The following RNF150 variants were observed in gnomAD, a reference collection of about 807,000 sequenced individuals.
RNF150 encodes ring finger protein 150.
A neutral mutation model predicts 39.3 loss-of-function variants in RNF150; 24 were observed. The observed-to-expected ratio is 0.61, with a 90% CI of 0.44 to 0.86. The LOEUF (loss-of-function observed/expected upper bound fraction) is 0.86, where lower values mean the gene tolerates loss of function less well. RNF150 is among the 40% of genes least tolerant of loss of function. The pLI is 0.00. For missense variants in RNF150, 502 were observed against 587.8 expected (o/e 0.85, Z 1.51); for synonymous variants, 255 against 227.3 (o/e 1.12, Z -1.10).
At chr4:140,935,596 C>G (rs1731834023) in intron 4 of RNF150, among the ~76,000 whole-genome samples, 1 of 151,952 alleles carries the variant, frequency 6.6e-6, no homozygotes, top group African/African-American at 2.4e-5. Context: ...TCCTTTATTC[C>G]CTTAAGTGAT....
chr4:140,970,036 T>C (rs1733403336), intron 1 of RNF150, among the ~76,000 whole-genome samples: 2 of 152,172 alleles, frequency 1.3e-5, no homozygotes, highest in Non-Finnish European at 2.9e-5. Flanking sequence ...AGTGCTGGGA[T>C]AACAGGCCTG....
intron 1 of RNF150, among the ~76,000 whole-genome samples, chr4:141,036,856 A>G (rs891289099): frequency 6.6e-6 from 1 of 152,228 alleles, no homozygotes; most frequent in Non-Finnish European, 1.5e-5. Flanking sequence ...AGCATAGCAC[A>G]ACTTAAACAT....
At chr4:140,905,706 A>G (rs1160142558) in intron 6 of RNF150, among the ~76,000 whole-genome samples, 2 of 139,114 alleles carry the variant, frequency 1.4e-5, no homozygotes, top group Non-Finnish European at 3.2e-5. Flanking sequence ...AGATTTTGAA[A>G]TATGTTTCCT....
chr4:141,055,635 T>C (rs1413260785), intron 1 of RNF150, among the ~76,000 whole-genome samples: 1 of 152,048 alleles, frequency 6.6e-6, no homozygotes, highest in Non-Finnish European at 1.5e-5. Context: ...GAGAAATTAC[T>C]CAGAATGCAG....
intron 1 of RNF150, among the ~76,000 whole-genome samples, chr4:141,022,218 ATTTTT>A (rs774363155): frequency 6.6e-6 from 1 of 151,620 alleles, no homozygotes; most frequent in Non-Finnish European, 1.5e-5. Context: ...GGTTTTTTTT[ATTTTT>A]TATTCTTTTT....
At chr4:141,197,760 C>G (rs1029348106) in intron 1 of RNF150, among the ~76,000 whole-genome samples, 3 of 151,746 alleles carry the variant, frequency 2.0e-5, no homozygotes, top group Non-Finnish European at 4.4e-5. Flanking sequence ...TACCTGTAGT[C>G]CCAGCTACTT....
chr4:140,916,755 T>C (rs951254270), intron 5 of RNF150, among the ~76,000 whole-genome samples: 1 of 151,968 alleles, frequency 6.6e-6, no homozygotes. Flanking sequence ...TTCACCAAAG[T>C]TGAAATGAAG....
intron 1 of RNF150, among the ~76,000 whole-genome samples, chr4:141,126,113 C>CACACAT (rs1491084810): frequency 2.6e-5 from 4 of 151,158 alleles, no homozygotes; most frequent in Non-Finnish European, 5.9e-5. Flanking sequence ...CACACACACA[C>CACACAT]ATGCATACTA....
intron 1 of RNF150, among the ~76,000 whole-genome samples, chr4:141,095,636 A>G (rs911723708): frequency 1.3e-5 from 2 of 152,342 alleles, no homozygotes; most frequent in Middle Eastern, 3.4e-3. Context: ...TTATAGAGAG[A>G]GCACTGATAT....
At chr4:141,181,959 C>T (rs1014696069) in intron 1 of RNF150, among the ~76,000 whole-genome samples, 3 of 152,148 alleles carry the variant, frequency 2.0e-5, no homozygotes, top group African/African-American at 7.2e-5. Flanking sequence ...TCTATCAGTT[C>T]CAACCTAAGG....
chr4:141,092,650 G>A (rs998236582), intron 1 of RNF150, among the ~76,000 whole-genome samples: 4 of 152,060 alleles, frequency 2.6e-5, no homozygotes, highest in African/African-American at 9.7e-5. Context: ...TTGGGTCCCA[G>A]AGGATATAAA....
intron 6 of RNF150, among the ~76,000 whole-genome samples, chr4:140,888,062 A>G (rs548830272): frequency 1.9e-4 from 29 of 152,328 alleles, no homozygotes; most frequent in African/African-American, 6.7e-4. Context: ...AAGCACGTGA[A>G]GAAGCCTGAT....
intron 1 of RNF150, among the ~76,000 whole-genome samples, chr4:141,042,143 A>G (rs1736396932): frequency 6.6e-6 from 1 of 152,066 alleles, no homozygotes. Context: ...TGTTTATAAT[A>G]AAGTGAGGAA....
intron 1 of RNF150, among the ~76,000 whole-genome samples, chr4:141,160,210 TA>T (rs1417753491): frequency 1.3e-5 from 2 of 152,088 alleles, no homozygotes; most frequent in African/African-American, 4.8e-5. Context: ...TAACATACCA[TA>T]AGATAAGGAA....
intron 1 of RNF150, among the ~76,000 whole-genome samples, chr4:141,172,297 C>T (rs1305928030): frequency 6.6e-6 from 1 of 152,272 alleles, no homozygotes; most frequent in Non-Finnish European, 1.5e-5. Context: ...ACCACCTAAG[C>T]TTGGAACTGC....
chr4:140,990,106 T>C (rs1734144293), intron 1 of RNF150, among the ~76,000 whole-genome samples: 1 of 152,236 alleles, frequency 6.6e-6, no homozygotes, highest in Non-Finnish European at 1.5e-5. Context: ...TTTATATTTA[T>C]AGTCACTGGC....
At chr4:140,899,932 C>A (rs999363121) in intron 6 of RNF150, among the ~76,000 whole-genome samples, 2 of 137,244 alleles carry the variant, frequency 1.5e-5, no homozygotes. Context: ...CTAGTAGGTT[C>A]TCTCTCTCAC....
chr4:141,044,996 T>A (rs1228892407), intron 1 of RNF150, among the ~76,000 whole-genome samples: 2 of 152,216 alleles, frequency 1.3e-5, no homozygotes, highest in Admixed American at 6.5e-5. Flanking sequence ...TTTACAAGCA[T>A]TATGTCTTTT....
rs752956512 is a variant in RNF150, at chr4:141,164,744, C to G, written c.-6+48050G>C. Among the ~76,000 whole-genome samples, 30 of 152,260 alleles carry G rather than the reference C, an allele frequency of 2.0e-4. 1 individual carries two copies. Among genetic ancestry groups the G allele is most frequent in the Non-Finnish European group, 1.9e-4 (13 of 68,024 alleles). The stretch of plus-strand genomic sequence containing the variant: ...AAGGAGAAATAAAATCCTTTACAGA[C>G]AAGCAAATGATGAGACATTTTGTCA... On this transcript the variant is annotated intron_variant, in intron 1 of 7. Transcript: ENST00000420921.
Sources: allele counts gnomAD v4.1 joint callset (sites outside exome capture counted in the v4.1 genomes callset), GRCh38; gene constraint gnomAD v4.1.1; transcripts MANE v1.5; gene names NCBI Gene and HGNC (gene_info 2026-07-23, HGNC 2026-07-21).